The following DNAH12 variants were observed in gnomAD, a reference collection of about 807,000 sequenced individuals.
The protein encoded by DNAH12 is dynein axonemal heavy chain 12, also known as axonemal beta dynein heavy chain 12.
DNAH12 carries 285 observed loss-of-function variants against 371.5 expected under a neutral mutation model. The observed-to-expected ratio is 0.77, with a 90% CI of 0.70 to 0.85. The LOEUF is 0.85. DNAH12 is among the 40% of genes least tolerant of loss of function. The probability of loss-of-function intolerance (pLI) is 0.00; values close to 1 mark genes in which losing one functional copy is unlikely to be tolerated. For missense variants in DNAH12, 3,611 were observed against 3,689.4 expected (o/e 0.98, Z 0.55); for synonymous variants, 1,200 against 1,213.0 (o/e 0.99, Z 0.22).
At chr3:57,448,508 C>T (rs1238894955) in intron 25 of DNAH12, among the ~76,000 whole-genome samples, 5 of 150,392 alleles carry the variant, frequency 3.3e-5, no homozygotes, top group South Asian at 2.2e-4. Context: ...AGCTGTAGGT[C>T]TTCGCAGTGA....
chr3:57,448,926 G>A (rs200992633), intron 25 of DNAH12, among the ~76,000 whole-genome samples: 93 of 87,730 alleles, frequency 1.1e-3, no homozygotes, highest in South Asian at 2.4e-3. Context: ...ACAGAGTGCC[G>A]ATTGGTGTAT....
upstream of DNAH12, among the ~76,000 whole-genome samples, chr3:57,549,268 C>T (rs1004446937): frequency 2.6e-5 from 4 of 152,074 alleles, no homozygotes; most frequent in South Asian, 8.3e-4. Context: ...GTAATCCCAG[C>T]ACTTTAGGAG....
At chr3:57,417,934 T>G (rs776359092) in intron 37 of DNAH12, among the ~76,000 whole-genome samples, 12 of 152,088 alleles carry the variant, frequency 7.9e-5, no homozygotes, top group Non-Finnish European at 1.5e-4. Flanking sequence ...ATGGATCATT[T>G]GAGGCCAGGA....
At chr3:57,546,287 G>A (rs148236030), upstream of DNAH12, among the ~76,000 whole-genome samples, 175 of 152,216 alleles carry the variant, frequency 1.1e-3, no homozygotes, top group African/African-American at 4.0e-3. Context: ...TTAAACGTTC[G>A]TTCTAAACTA....
chr3:57,534,872 T>C (rs1450194872), intron 2 of DNAH12, among the ~76,000 whole-genome samples: 1 of 152,210 alleles, frequency 6.6e-6, no homozygotes. Context: ...ACTTCTAGTC[T>C]CTGAAGCTAT....
chr3:57,433,586 T>C, intron 31 of DNAH12, 59 bp downstream of exon 31: 1 of 1,533,202 alleles, frequency 6.5e-7, no homozygotes, highest in Non-Finnish European at 8.8e-7. Context: ...ATACTTCACG[T>C]TTCTTGTTTT....
At chr3:57,448,866 G>C (rs199890685) in intron 25 of DNAH12, among the ~76,000 whole-genome samples, 11 of 147,692 alleles carry the variant, frequency 7.4e-5, no homozygotes, top group Admixed American at 2.0e-4. Context: ...CACAAACCTT[G>C]AGCTAAACAC....
chr3:57,380,254 AG>A (rs1173943335), intron 51 of DNAH12, 23 bp downstream of exon 51: 2 of 152,202 alleles, frequency 1.3e-5, no homozygotes, highest in African/African-American at 2.4e-5. Context: ...TCACATTTGT[AG>A]AAAAAAACCC....
intron 4 of DNAH12, among the ~76,000 whole-genome samples, chr3:57,511,836 A>G (rs1204639581): frequency 6.6e-6 from 1 of 152,206 alleles, no homozygotes; most frequent in Non-Finnish European, 1.5e-5. Context: ...GAAGGTTTTA[A>G]TAACTATTTC....
At chr3:57,447,408 G>A (rs904509024) in intron 25 of DNAH12, among the ~76,000 whole-genome samples, 1 of 152,134 alleles carries the variant, frequency 6.6e-6, no homozygotes. Context: ...TATGGAGTCT[G>A]TTTCACGGGA....
At chr3:57,329,515 A>C (rs1461103871) in intron 62 of DNAH12, among the ~76,000 whole-genome samples, 2 of 135,132 alleles carry the variant, frequency 1.5e-5, no homozygotes. Context: ...CCATATGTAG[A>C]AAGCTGAAAC....
In DNAH12 at chr3:57,452,856, C is replaced by T. The variant is rs2065793955; in HGVS notation, c.3773G>A (p.Cys1258Tyr). The T allele has an allele frequency of 6.5e-7, 1 of 1,547,240 alleles. No homozygotes were observed. Among genetic ancestry groups the T allele is most frequent in the Admixed American group, 2.0e-5 (1 of 49,788 alleles). ...TTAAATGCATACCAATGTTCTGTAA[C>T]ACCTGTCAGTTAGAGGCGTAATGAC... ...RLVITPLTDR[C>Y]YRTLIGAFYL... The change falls in exon 25 of 74, where the codon TGT becomes TAT. Residue 1258 changes from cysteine (C) to tyrosine (Y), a missense_variant. Transcript: ENST00000495027.
At chr3:57,427,631 G>C (rs9810958) in intron 34 of DNAH12, among the ~76,000 whole-genome samples, 9 of 151,986 alleles carry the variant, frequency 5.9e-5, no homozygotes, top group African/African-American at 2.2e-4. Context: ...CAGAGGTTGC[G>C]GTGAACCAAG....
chr3:57,457,046 T>C (rs1575628038), intron 22 of DNAH12, among the ~76,000 whole-genome samples: 1 of 152,210 alleles, frequency 6.6e-6, no homozygotes, highest in African/African-American at 2.4e-5. Context: ...ACTGAATCTC[T>C]GGCAAACCAG....
chr3:57,395,386 A>G (rs1283113201), intron 43 of DNAH12, among the ~76,000 whole-genome samples: 1 of 152,168 alleles, frequency 6.6e-6, no homozygotes, highest in South Asian at 2.1e-4. Context: ...TCTCTAAGTT[A>G]TTTTTAAAAA....
At chr3:57,499,647 A>AAAAAAAAAATAT (rs1451248906) in intron 11 of DNAH12, among the ~76,000 whole-genome samples, 1 of 17,946 alleles carries the variant, frequency 5.6e-5, no homozygotes, top group Non-Finnish European at 1.2e-4. Context: ...AAAAAAAAAA[A>AAAAAAAAAATAT]ATATATATAT....
chr3:57,399,666 TTA>T (rs1156580145), intron 43 of DNAH12, among the ~76,000 whole-genome samples: 1 of 152,154 alleles, frequency 6.6e-6, no homozygotes, highest in Admixed American at 6.5e-5. Context: ...GTGAGTCCAC[TTA>T]TATGTAGATT....
intron 45 of DNAH12, among the ~76,000 whole-genome samples, chr3:57,388,184 T>C (rs961539839): frequency 6.6e-6 from 1 of 152,132 alleles, no homozygotes; most frequent in Admixed American, 6.5e-5. Flanking sequence ...ACCAGAACCC[T>C]CTTCCCTCAG....
At chr3:57,296,656 TAGA>T (rs1340634844) in intron 71 of DNAH12, among the ~76,000 whole-genome samples, 188 bp downstream of exon 71, 2 of 152,232 alleles carry the variant, frequency 1.3e-5, no homozygotes, top group African/African-American at 2.4e-5. Context: ...TTTGCTAAAG[TAGA>T]AGAACAGCGT....
Sources: allele counts gnomAD v4.1 joint callset (sites outside exome capture counted in the v4.1 genomes callset), GRCh38; gene constraint gnomAD v4.1.1; transcripts MANE v1.5; gene names NCBI Gene and HGNC (gene_info 2026-07-23, HGNC 2026-07-21).